EXOC6B: variants seen among roughly 807,000 people sequenced by gnomAD.
EXOC6B encodes the protein SEC15 homolog B.
A neutral mutation model predicts 113.5 loss-of-function variants in EXOC6B; 54 were observed. The observed-to-expected ratio is 0.48, with a 90% confidence interval of 0.38 to 0.60. EXOC6B has a LOEUF of 0.60. Ranked by LOEUF, EXOC6B falls within the 20% of genes least tolerant of loss-of-function variation. The probability of loss-of-function intolerance (pLI) is 0.00; values close to 1 mark genes in which losing one functional copy is unlikely to be tolerated. For missense variants in EXOC6B, 797 were observed against 977.5 expected (o/e 0.82, Z 2.46); for synonymous variants, 357 against 339.0 (o/e 1.05, Z -0.58).
intron 6 of EXOC6B, among the ~76,000 whole-genome samples, chr2:72,642,755 T>C (rs1279739039): frequency 1.3e-5 from 2 of 151,248 alleles, no homozygotes; most frequent in Non-Finnish European, 2.9e-5. Context: ...AAAGACAAAA[T>C]TGACAAATGG....
chr2:72,362,089 G>A (rs1225153794), intron 19 of EXOC6B, among the ~76,000 whole-genome samples: 1 of 152,072 alleles, frequency 6.6e-6, no homozygotes, highest in Non-Finnish European at 1.5e-5. Context: ...TGATATGGAA[G>A]GCTTTAGAAG....
At chr2:72,465,399 A>T in intron 17 of EXOC6B, 60 bp from the exon 18 acceptor site, 2 of 1,354,684 alleles carry the variant, frequency 1.5e-6, no homozygotes, top group Non-Finnish European at 2.0e-6. Flanking sequence ...AGAAATTTCT[A>T]TGAGCTTAGA....
intron 11 of EXOC6B, among the ~76,000 whole-genome samples, chr2:72,502,525 G>C (rs1023098308): frequency 4.6e-5 from 7 of 152,120 alleles, no homozygotes; most frequent in African/African-American, 1.7e-4. Context: ...CCCACCCCGG[G>C]CAACAAAGTG....
chr2:72,722,601 T>C (rs747166481), intron 5 of EXOC6B, among the ~76,000 whole-genome samples: 3 of 152,216 alleles, frequency 2.0e-5, no homozygotes, highest in African/African-American at 7.2e-5. Context: ...TCTGAAATCA[T>C]TGCTCTTATT....
chr2:72,498,622 G>C (rs892545040), intron 12 of EXOC6B, 71 bp from the exon 13 acceptor site: 4 of 853,504 alleles, frequency 4.7e-6, no homozygotes, highest in Non-Finnish European at 5.3e-6. Context: ...TTTTTTTTTG[G>C]CAAAATGAGA....
chr2:72,370,370 T>C (rs1032490735), intron 19 of EXOC6B, among the ~76,000 whole-genome samples: 1 of 152,116 alleles, frequency 6.6e-6, no homozygotes, highest in African/African-American at 2.4e-5. Context: ...CAACAGGTGC[T>C]GGAGAGGATG....
chr2:72,334,517 T>A (rs143730687), intron 20 of EXOC6B, among the ~76,000 whole-genome samples: 101 of 152,144 alleles, frequency 6.6e-4, no homozygotes, highest in African/African-American at 2.4e-3. Flanking sequence ...CAATCCAGAA[T>A]GTAAAATATT....
intron 6 of EXOC6B, among the ~76,000 whole-genome samples, chr2:72,591,956 G>T (rs182053466): frequency 2.0e-5 from 3 of 151,974 alleles, no homozygotes; most frequent in African/African-American, 7.2e-5. Flanking sequence ...TAAAAACCAT[G>T]TATTGAAAGA....
At chr2:72,180,020 G>A (rs1677986166) in intron 21 of EXOC6B, among the ~76,000 whole-genome samples, 1 of 152,184 alleles carries the variant, frequency 6.6e-6, no homozygotes, top group Admixed American at 6.5e-5. Context: ...CTAAGGGCTT[G>A]ACTGACCTTT....
chr2:72,453,166 A>G (rs1433031295), intron 18 of EXOC6B, among the ~76,000 whole-genome samples: 3 of 152,200 alleles, frequency 2.0e-5, no homozygotes, highest in Non-Finnish European at 4.4e-5. Flanking sequence ...TTAAGCAATG[A>G]TTTAACCTAC....
chr2:72,352,491 T>C (rs72841783), intron 19 of EXOC6B, among the ~76,000 whole-genome samples: 9,212 of 152,212 alleles, frequency 0.061, 319 homozygotes, highest in Non-Finnish European at 0.076. Context: ...TTGGGTTTTT[T>C]TCTCTCTCTC....
At chr2:72,531,258 T>A (rs767502409) in intron 8 of EXOC6B, among the ~76,000 whole-genome samples, 25 of 152,216 alleles carry the variant, frequency 1.6e-4, no homozygotes, top group Admixed American at 5.9e-4. Context: ...GTGGTTAATG[T>A]AGATATTACA....
At chr2:72,430,043 A>G (rs2105294248) in intron 18 of EXOC6B, among the ~76,000 whole-genome samples, 1 of 152,352 alleles carries the variant, frequency 6.6e-6, no homozygotes, top group East Asian at 1.9e-4. Context: ...TAGCTTTCCA[A>G]GAGAACTATT....
intron 11 of EXOC6B, among the ~76,000 whole-genome samples, chr2:72,511,386 T>C (rs751455868): frequency 6.6e-6 from 1 of 152,118 alleles, no homozygotes; most frequent in Non-Finnish European, 1.5e-5. Flanking sequence ...TGATAGTTCT[T>C]TTCCTTTTAC....
chr2:72,202,648 A>AT (rs147658125), intron 20 of EXOC6B, among the ~76,000 whole-genome samples: 19 of 152,028 alleles, frequency 1.2e-4, no homozygotes, highest in South Asian at 6.2e-4. Context: ...AAAAAAACCT[A>AT]TTTTTTTTAC....
intron 17 of EXOC6B, among the ~76,000 whole-genome samples, chr2:72,477,967 A>G (rs956475217): frequency 2.0e-5 from 3 of 152,182 alleles, no homozygotes; most frequent in African/African-American, 7.2e-5. Flanking sequence ...TAAGCTCTGT[A>G]AAGTGAGGAG....
intron 15 of EXOC6B, 150 bp downstream of exon 15, chr2:72,495,280 T>C (rs1294525771): frequency 6.2e-6 from 3 of 485,934 alleles, no homozygotes; most frequent in African/African-American, 2.0e-5. Flanking sequence ...ATCGTGACTA[T>C]AGAAATACAG....
chr2:72,265,239 T>TTTATTATTATTATTATTATTA (rs58637794), intron 20 of EXOC6B, among the ~76,000 whole-genome samples: 4 of 146,848 alleles, frequency 2.7e-5, no homozygotes, highest in African/African-American at 1.0e-4. Context: ...TAACTATTCT[T>TTTATTATTATTATTATTATTA]TTATTATTAT....
At chr2:72,265,736 C>A (rs1684032503) in intron 20 of EXOC6B, among the ~76,000 whole-genome samples, 2 of 151,922 alleles carry the variant, frequency 1.3e-5, no homozygotes, top group African/African-American at 4.8e-5. Flanking sequence ...GTCTTTATAG[C>A]AGCATGATTT....
Sources: allele counts gnomAD v4.1 joint callset (sites outside exome capture counted in the v4.1 genomes callset), GRCh38; gene constraint gnomAD v4.1.1; transcripts MANE v1.5; gene names NCBI Gene and HGNC (gene_info 2026-07-23, HGNC 2026-07-21).